Variants in JKAMP observed in about 807,000 individuals in gnomAD.
JKAMP encodes the protein JNK1/MAPK8 associated membrane protein.
A neutral mutation model predicts 40.2 loss-of-function variants in JKAMP; 20 were observed. The ratio of observed to expected loss-of-function variants is 0.50; its 90% CI spans 0.35 to 0.72. The LOEUF is 0.72. Among genes scored for constraint, JKAMP ranks in the 30% least tolerant of loss-of-function variants. The pLI, the probability that JKAMP is intolerant of heterozygous loss-of-function variation, is 0.01. For missense variants in JKAMP, 276 were observed against 373.0 expected (o/e 0.74, Z 2.14); for synonymous variants, 138 against 131.6 (o/e 1.05, Z -0.33).
intron 3 of JKAMP, 52 bp downstream of exon 3, chr14:59,487,880 T>C (rs1251073849): frequency 2.6e-6 from 4 of 1,519,434 alleles, no homozygotes; most frequent in Non-Finnish European, 3.7e-6. Flanking sequence ...GGAATAATTA[T>C]CACTCAGAAG....
chr14:59,496,053 G>A (rs1056770028), intron 4 of JKAMP, among the ~76,000 whole-genome samples: 4 of 152,110 alleles, frequency 2.6e-5, no homozygotes, highest in African/African-American at 9.7e-5. Flanking sequence ...ACAGGCATGT[G>A]CCACTATGCC....
Position 59,484,565 on chromosome 14 carries a change from C to G in JKAMP, c.-25C>G, listed in dbSNP as rs1890351012. 2 of 1,571,650 alleles carry G rather than the reference C, an allele frequency of 1.3e-6. No homozygotes were observed. On this transcript the variant is annotated 5_prime_UTR_variant, in exon 1 of 7. Transcript: ENST00000616435. ...TGCCAGATCCGCTGATCTAGTGCTT[C>G]TCGAAAAAAACCTTCAGGCGGCCCA...
In JKAMP at chr14:59,503,972, C is replaced by A; in HGVS notation, c.836C>A (p.Pro279His). 6.2e-7 allele frequency: 1 copy of A among 1,613,538 alleles called. No individual in the cohort carries two copies. Among genetic ancestry groups the A allele is most frequent in the East Asian group, 2.2e-5 (1 of 44,852 alleles). The change falls in exon 7 of 7, where the codon CCC becomes CAC. Residue 279 changes from proline to histidine, a missense_variant. Pro to His is a moderately conservative substitution (Grantham distance 77). Transcript: ENST00000616435. ...SRVDKLEQDLPLLALVPTPAL... is the reference protein window; with the variant it reads ...SRVDKLEQDLHLLALVPTPAL... Reference sequence around the variant, plus strand: ...GTGGATAAACTTGAGCAAGATTTGCCCCTTTTGGCTTTGGTACCTACACCA... The same window carrying A: ...GTGGATAAACTTGAGCAAGATTTGCACCTTTTGGCTTTGGTACCTACACCA...
intron 3 of JKAMP, among the ~76,000 whole-genome samples, chr14:59,493,878 A>AC (rs1273738186): frequency 6.6e-6 from 1 of 152,180 alleles, no homozygotes; most frequent in Non-Finnish European, 1.5e-5. Context: ...CAGAATAGAG[A>AC]CCCAAAACAC....
chr14:59,502,679 G>A (rs6573259), intron 6 of JKAMP, among the ~76,000 whole-genome samples: 148,113 of 151,312 alleles, frequency 0.98, 72,569 homozygotes, highest in East Asian at 1. Context: ...TAGTTTTGGC[G>A]CTTTTATCAA....
chr14:59,498,481 A>T (rs1368317218), intron 4 of JKAMP, among the ~76,000 whole-genome samples: 2 of 152,190 alleles, frequency 1.3e-5, no homozygotes, highest in Non-Finnish European at 2.9e-5. Flanking sequence ...TTGCTGAATC[A>T]AAAGGGATAA....
chr14:59,495,732 G>A (rs1329828064), intron 4 of JKAMP, among the ~76,000 whole-genome samples: 1 of 152,070 alleles, frequency 6.6e-6, no homozygotes, highest in Non-Finnish European at 1.5e-5. Context: ...TAGAAGTCTG[G>A]TATTTATATT....
In JKAMP at chr14:59,502,773, T is replaced by TTTTTTTTTTTTTTG. The variant is rs796697193; in HGVS notation, c.718-1081_718-1080insTTTTTTTTTTTTTG. Among the ~76,000 whole-genome samples, 124 of 102,844 alleles carry TTTTTTTTTTTTTTG rather than the reference T, an allele frequency of 1.2e-3. 7 individuals are homozygous for TTTTTTTTTTTTTTG. The highest frequency in any genetic ancestry group is 4.1e-3 in the African/African-American group (106 of 25,792). The allele number at this position is 102,844 out of a possible 152,430, so 67.5% of individuals were successfully genotyped here. ...AGATTTTTTTTTTTTTTTTTTTTTT[T>TTTTTTTTTTTTTTG]CGGAGTCTCACTCTGTCGCTTAGGC... On this transcript the variant is annotated intron_variant, in intron 6 of 6. Transcript: ENST00000616435.
At chr14:59,498,418 G>GT (rs1891606951) in intron 4 of JKAMP, among the ~76,000 whole-genome samples, 1 of 152,106 alleles carries the variant, frequency 6.6e-6, no homozygotes, top group Non-Finnish European at 1.5e-5. Flanking sequence ...TGTACAGTAG[G>GT]TTTTTTTATG....
chr14:59,494,207 A>G, intron 3 of JKAMP, among the ~76,000 whole-genome samples: 1 of 150,560 alleles, frequency 6.6e-6, no homozygotes, highest in East Asian at 1.9e-4. Flanking sequence ...AGAAAAAAAA[A>G]TAAAAGCCTG....
In JKAMP at chr14:59,496,937, G is replaced by A. The variant is rs1268547511; in HGVS notation, c.458+1713G>A. 2.0e-5 allele frequency among the ~76,000 whole-genome samples: 3 copies of A among 150,854 alleles called. No individual in the cohort carries two copies. In the East Asian group the frequency reaches 5.8e-4, roughly 29 times the overall value. On this transcript the variant is annotated intron_variant, in intron 4 of 6. Coordinates refer to ENST00000616435, the MANE Select transcript of JKAMP (RefSeq NM_016475.5). ...TTACCTAAGCATTCTAAATATAAAT[G>A]TATGGTCAGACTGGGCTAAGCACTT...
At chr14:59,492,021 GTT>G (rs1317850521) in intron 3 of JKAMP, among the ~76,000 whole-genome samples, 1 of 152,114 alleles carries the variant, frequency 6.6e-6, no homozygotes, top group African/African-American at 2.4e-5. Flanking sequence ...ATAGTCTGTG[GTT>G]ACTAAATAAA....
chr14:59,501,730 C>T, intron 6 of JKAMP, among the ~76,000 whole-genome samples: 1 of 152,090 alleles, frequency 6.6e-6, no homozygotes, highest in East Asian at 1.9e-4. Flanking sequence ...TGGATGTTTA[C>T]TTTTACCCCA....
At chr14:59,500,603 GC>G (rs1203149743) in intron 5 of JKAMP, among the ~76,000 whole-genome samples, 3 of 152,070 alleles carry the variant, frequency 2.0e-5, no homozygotes, top group Non-Finnish European at 4.4e-5. Flanking sequence ...ATTAATTAAA[GC>G]TGAGTTACTC....
chr14:59,496,602 A>T (rs1891468728), intron 4 of JKAMP, among the ~76,000 whole-genome samples: 1 of 152,186 alleles, frequency 6.6e-6, no homozygotes, highest in South Asian at 2.1e-4. Flanking sequence ...ACCAACCCTC[A>T]TCTGCACCTG....
At chr14:59,493,617 G>A (rs1891200537) in intron 3 of JKAMP, among the ~76,000 whole-genome samples, 1 of 152,290 alleles carries the variant, frequency 6.6e-6, no homozygotes, top group Non-Finnish European at 1.5e-5. Context: ...TAAAAAGGTT[G>A]ACTATAAGAT....
intron 3 of JKAMP, among the ~76,000 whole-genome samples, chr14:59,489,444 G>A (rs1890826039): frequency 6.6e-6 from 1 of 152,204 alleles, no homozygotes; most frequent in East Asian, 1.9e-4. Flanking sequence ...TTAATTCCAT[G>A]TGAGACCTCA....
At chr14:59,489,457 A>T (rs1274202368) in intron 3 of JKAMP, among the ~76,000 whole-genome samples, 1 of 152,230 alleles carries the variant, frequency 6.6e-6, no homozygotes, top group Non-Finnish European at 1.5e-5. Flanking sequence ...AGACCTCATC[A>T]GCCTGGCCTT....
In JKAMP at chr14:59,486,634, C is replaced by T. The variant is rs746185840; in HGVS notation, c.5-79C>T. ...CAAAAATTTGAAACTGTTATTTTTG[C>T]CAAATGCTTCAGCTATTATTGCAAT... On this transcript the variant is annotated intron_variant, in intron 1 of 6. Transcript: ENST00000616435. 32 of 958,024 alleles carry T rather than the reference C, an allele frequency of 3.3e-5. No homozygotes were observed. The Admixed American group carries it at 4.5e-4, about 13-fold the overall frequency. The allele number at this position is 958,024 out of a possible 1,614,324, so 59.3% of individuals were successfully genotyped here. A position where few individuals can be genotyped will look rare whatever the true frequency, so the allele number is the denominator to read the frequency against.
Sources: allele counts gnomAD v4.1 joint callset (sites outside exome capture counted in the v4.1 genomes callset), GRCh38; gene constraint gnomAD v4.1.1; transcripts MANE v1.5; gene names NCBI Gene and HGNC (gene_info 2026-07-23, HGNC 2026-07-21).